The following NT5DC3 variants were observed in gnomAD, a reference collection of about 807,000 sequenced individuals.
NT5DC3 encodes the protein 5'-nucleotidase domain containing 3.
A neutral mutation model predicts 67.8 loss-of-function variants in NT5DC3; 42 were observed. That is an observed-to-expected ratio of 0.62 (90% CI 0.48 to 0.80). The LOEUF is 0.80. Among genes scored for constraint, NT5DC3 ranks in the 30% least tolerant of loss-of-function variants. The pLI is 0.00. For missense variants in NT5DC3, 570 were observed against 696.4 expected, an observed-to-expected ratio of 0.82 and a Z score of 2.04; for synonymous variants, 237 against 255.6, an observed-to-expected ratio of 0.93 and a Z score of 0.69.
chr12:103,789,058 T>C (rs9739384), intron 9 of NT5DC3, 139 bp from the exon 10 acceptor site: 520,643 of 653,162 alleles, frequency 0.8, 210,065 homozygotes, highest in African/African-American at 0.95. Context: ...TCCACCATCA[T>C]ATTCCCTGGC....
In NT5DC3 at chr12:103,787,807, T is replaced by G. The variant is rs375656736; in HGVS notation, c.1102-280A>C. ...TAGTCTACCATGTAATGATAGCAGC[T>G]GGGAAGTACCATGATTCCTTTCGCC... On this transcript the variant is annotated intron_variant, in intron 10 of 13. Coordinates refer to ENST00000392876, the MANE Select transcript of NT5DC3 (RefSeq NM_001031701.3). Among the ~76,000 whole-genome samples, 77 of 152,346 alleles carry G rather than the reference T, an allele frequency of 5.1e-4. 1 individual carries two copies. Among genetic ancestry groups the G allele is most frequent in the African/African-American group, 1.8e-3 (73 of 41,580 alleles).
chr12:103,801,103 C>T (rs1242549110), intron 4 of NT5DC3, among the ~76,000 whole-genome samples: 4 of 152,122 alleles, frequency 2.6e-5, no homozygotes, highest in Non-Finnish European at 5.9e-5. Context: ...ACTTCCCCAG[C>T]TGGCAGCACT....
At chr12:103,749,138 C>T in the NT5DC3 span, 1 of 1,604,416 alleles carries the variant, frequency 6.2e-7, no homozygotes, top group South Asian at 1.1e-5. Flanking sequence ...AGCACGCCAC[C>T]TGTAAGATGA....
At chr12:103,759,940 A>G in the NT5DC3 span, among the ~76,000 whole-genome samples, 1 of 152,268 alleles carries the variant, frequency 6.6e-6, no homozygotes, top group South Asian at 2.1e-4. Context: ...AAGAAATGAT[A>G]CATTTGTGGA....
At chr12:103,765,582 T>A (rs535483174), downstream of NT5DC3, among the ~76,000 whole-genome samples, 2 of 152,322 alleles carry the variant, frequency 1.3e-5, no homozygotes, top group East Asian at 1.9e-4. Flanking sequence ...TGGCCTTTTT[T>A]AGGCAGGGTC....
chr12:103,753,163 G>A, the NT5DC3 span: 1 of 1,601,428 alleles, frequency 6.2e-7, no homozygotes, highest in South Asian at 1.1e-5. Context: ...GTCCATTGTT[G>A]GAAACACTGC....
At chr12:103,751,239 G>T in the NT5DC3 span, among the ~76,000 whole-genome samples, 1 of 152,152 alleles carries the variant, frequency 6.6e-6, no homozygotes, top group African/African-American at 2.4e-5. Flanking sequence ...CTTGAATTGG[G>T]CTAGAGGAGC....
At chr12:103,839,317 A>C (rs1888281469) in intron 1 of NT5DC3, among the ~76,000 whole-genome samples, 1 of 151,968 alleles carries the variant, frequency 6.6e-6, no homozygotes, top group African/African-American at 2.4e-5. Context: ...TGCAATCTCA[A>C]CTCACTGCAG....
chr12:103,760,883 C>T, the NT5DC3 span, among the ~76,000 whole-genome samples: 1 of 152,164 alleles, frequency 6.6e-6, no homozygotes, highest in Non-Finnish European at 1.5e-5. Context: ...GGCACAGGGC[C>T]TCAGCTTCTG....
At chr12:103,764,233 G>A in the NT5DC3 span, among the ~76,000 whole-genome samples, 674 of 152,308 alleles carry the variant, frequency 4.4e-3, 2 homozygotes, top group Non-Finnish European at 6.9e-3. Context: ...GATTACAGGC[G>A]TGAGCCACTG....
intron 1 of NT5DC3, among the ~76,000 whole-genome samples, chr12:103,824,675 T>C (rs2139449797): frequency 6.6e-6 from 1 of 152,274 alleles, no homozygotes; most frequent in East Asian, 1.9e-4. Flanking sequence ...TGACATATGC[T>C]GCAGAGACAT....
intron 1 of NT5DC3, among the ~76,000 whole-genome samples, chr12:103,834,460 G>A (rs370312520): frequency 2.0e-5 from 3 of 152,122 alleles, no homozygotes; most frequent in African/African-American, 4.8e-5. Flanking sequence ...TAAAGAAGCC[G>A]AACAGACACG....
At chr12:103,753,342 T>C in the NT5DC3 span, 59 of 1,614,118 alleles carry the variant, frequency 3.7e-5, no homozygotes, top group Non-Finnish European at 4.6e-5. Context: ...CCAGCTCTCC[T>C]ATGCCCAGAA....
the NT5DC3 span, chr12:103,763,837 G>A: frequency 2.2e-6 from 1 of 446,946 alleles, no homozygotes; most frequent in Non-Finnish European, 4.0e-6. Context: ...AACAGAGACA[G>A]GCGAGAACAA....
chr12:103,765,434 G>GT, the NT5DC3 span, among the ~76,000 whole-genome samples: 1 of 152,194 alleles, frequency 6.6e-6, no homozygotes, highest in African/African-American at 2.4e-5. Context: ...ACTATTTTTA[G>GT]TGACTCCAGA....
the NT5DC3 span, chr12:103,746,663 A>G: frequency 6.2e-7 from 1 of 1,614,086 alleles, no homozygotes; most frequent in Non-Finnish European, 8.5e-7. Flanking sequence ...AACACGTGTG[A>G]GTGTAACCTG....
intron 4 of NT5DC3, among the ~76,000 whole-genome samples, chr12:103,801,372 C>CCTTTTT (rs1886567309): frequency 1.3e-4 from 10 of 78,946 alleles, no homozygotes; most frequent in African/African-American, 5.4e-4. Context: ...TTGGGGTGGG[C>CCTTTTT]TTTTTTTTTT....
At chr12:103,752,222 A>G in the NT5DC3 span, among the ~76,000 whole-genome samples, 2 of 152,210 alleles carry the variant, frequency 1.3e-5, no homozygotes, top group Non-Finnish European at 2.9e-5. Flanking sequence ...GATAAAATAT[A>G]TTGATATACA....
chr12:103,793,816 G>T, intron 7 of NT5DC3, 121 bp downstream of exon 7: 1 of 771,808 alleles, frequency 1.3e-6, no homozygotes, highest in Admixed American at 2.1e-5. Flanking sequence ...AGGATGCCAG[G>T]TCCTTACAGA....
Sources: allele counts gnomAD v4.1 joint callset (sites outside exome capture counted in the v4.1 genomes callset), GRCh38; gene constraint gnomAD v4.1.1; transcripts MANE v1.5; gene names NCBI Gene and HGNC (gene_info 2026-07-23, HGNC 2026-07-21).